FYN: variants seen among roughly 807,000 people sequenced by gnomAD.
FYN encodes FYN proto-oncogene, Src family tyrosine kinase.
In FYN, 10 loss-of-function variants were observed where a neutral mutation model predicts 70.2. That is an observed-to-expected ratio of 0.14 (90% CI 0.09 to 0.24). FYN has a LOEUF of 0.24. Among genes scored for constraint, FYN ranks in the 10% least tolerant of loss-of-function variants. The probability of loss-of-function intolerance (pLI) is 1.00; values close to 1 mark genes in which losing one functional copy is unlikely to be tolerated. For missense variants in FYN, 319 were observed against 673.1 expected, an observed-to-expected ratio of 0.47 and a Z score of 5.82; for synonymous variants, 236 against 248.6, an observed-to-expected ratio of 0.95 and a Z score of 0.48.
intron 2 of FYN, among the ~76,000 whole-genome samples, chr6:111,817,024 AC>A (rs1772509945): frequency 6.6e-6 from 1 of 152,210 alleles, no homozygotes; most frequent in Non-Finnish European, 1.5e-5. Context: ...TACATGTATA[AC>A]TGAATTTTAT....
intron 10 of FYN, among the ~76,000 whole-genome samples, 166 bp downstream of exon 10, chr6:111,696,111 G>A (rs1799562149): frequency 6.6e-6 from 1 of 152,184 alleles, no homozygotes; most frequent in Admixed American, 6.5e-5. Flanking sequence ...AGGTTAGTCT[G>A]TTTTAAAAAA....
chr6:111,666,071 G>A (rs527841308), intron 13 of FYN, among the ~76,000 whole-genome samples: 78 of 135,008 alleles, frequency 5.8e-4, no homozygotes, highest in Admixed American at 5.5e-3. Flanking sequence ...GCACAATCTC[G>A]GCTCACTGCA....
At chr6:111,863,717 T>A (rs1774027805) in intron 1 of FYN, among the ~76,000 whole-genome samples, 1 of 152,216 alleles carries the variant, frequency 6.6e-6, no homozygotes, top group Admixed American at 6.5e-5. Flanking sequence ...AGTGTTTGAC[T>A]TCATCAGATA....
chr6:111,678,106 A>ATGTGTGTGTGTGTGTG (rs201367268), intron 12 of FYN, among the ~76,000 whole-genome samples: 26 of 118,604 alleles, frequency 2.2e-4, no homozygotes, highest in African/African-American at 1.0e-3. Context: ...GAAGGCCATA[A>ATGTGTGTGTGTGTGTG]TATGTGTGTG....
intron 3 of FYN, among the ~76,000 whole-genome samples, chr6:111,752,096 C>T (rs1011375810): frequency 6.6e-6 from 1 of 152,132 alleles, no homozygotes; most frequent in Non-Finnish European, 1.5e-5. Flanking sequence ...AAGTTCAAAG[C>T]AAAACCATGG....
At chr6:111,869,108 T>C (rs994866239) in intron 1 of FYN, among the ~76,000 whole-genome samples, 8 of 152,220 alleles carry the variant, frequency 5.3e-5, no homozygotes, top group Admixed American at 4.6e-4. Context: ...CTGGTATGAA[T>C]GGAATTGCTC....
chr6:111,684,675 C>T (rs1399880539), intron 12 of FYN, among the ~76,000 whole-genome samples: 1 of 152,150 alleles, frequency 6.6e-6, no homozygotes, highest in East Asian at 1.9e-4. Context: ...TCTCCATCAC[C>T]CTCCTTGCAA....
chr6:111,871,712 C>G lies in FYN; in HGVS notation c.-123+1256G>C, dbSNP rs571993033. Reference sequence around the variant, plus strand: ...TGACCCCCACACCAATCTACTCTACCCCAGCTCTTAGTACTTGTTCCCAAA... The same window carrying G: ...TGACCCCCACACCAATCTACTCTACGCCAGCTCTTAGTACTTGTTCCCAAA... On this transcript the variant is annotated intron_variant, in intron 1 of 13. Transcript: ENST00000354650. Among the ~76,000 whole-genome samples the G allele has an allele frequency of 2.0e-5, 3 of 152,266 alleles. No individual in the cohort carries two copies. The South Asian group carries it at 6.2e-4, about 32-fold the overall frequency.
intron 4 of FYN, among the ~76,000 whole-genome samples, chr6:111,716,817 T>TC (rs1800668970): frequency 6.7e-6 from 1 of 149,766 alleles, no homozygotes; most frequent in African/African-American, 2.5e-5. Flanking sequence ...GGAGTTTCAC[T>TC]CTTGTCGCCC....
At chr6:111,853,774 A>C (rs1005848422) in intron 1 of FYN, among the ~76,000 whole-genome samples, 10 of 152,178 alleles carry the variant, frequency 6.6e-5, no homozygotes, top group African/African-American at 2.4e-4. Flanking sequence ...GTGCTTCATC[A>C]TGACAGGCTA....
chr6:111,867,719 T>C (rs954730438), intron 1 of FYN, among the ~76,000 whole-genome samples: 7 of 152,244 alleles, frequency 4.6e-5, no homozygotes, highest in Admixed American at 1.3e-4. Flanking sequence ...TTTCCTTCCA[T>C]TTAGACCCTC....
chr6:111,800,290 T>A (rs946164439), intron 2 of FYN, among the ~76,000 whole-genome samples: 1 of 152,128 alleles, frequency 6.6e-6, no homozygotes, highest in African/African-American at 2.4e-5. Flanking sequence ...TTCTTTCAAG[T>A]AATAACACGG....
intron 2 of FYN, chr6:111,820,145 T>G (rs1275054385): frequency 1.3e-5 from 2 of 152,214 alleles, no homozygotes; most frequent in Non-Finnish European, 2.9e-5. Flanking sequence ...ATGGGAACCC[T>G]TAGCAAGACA....
chr6:111,838,899 T>C (rs1276870249), intron 2 of FYN, among the ~76,000 whole-genome samples: 1 of 152,254 alleles, frequency 6.6e-6, no homozygotes, highest in East Asian at 1.9e-4. Context: ...TGGGTGGGTA[T>C]GGCTTTCAGC....
chr6:111,714,396 C>T lies in FYN; in HGVS notation c.295G>A (p.Asp99Asn). The change falls in exon 5 of 14, where the codon GAT becomes AAT. Residue 99 changes from aspartate to asparagine, a missense_variant. Asp to Asn is a conservative substitution (Grantham distance 23). Coordinates refer to ENST00000354650, the MANE Select transcript of FYN (RefSeq NM_002037.5). The part of the protein sequence containing the change: ...ALYDYEARTE[D>N]DLSFHKGEKF... ...TCTCCTTTGTGAAAACTCAGGTCAT[C>T]TTCTGTCCGTGCTTCATAGTCATAA... 1 of 1,614,156 alleles carries T rather than the reference C, an allele frequency of 6.2e-7. No individual in the cohort carries two copies. Among genetic ancestry groups the T allele is most frequent in the Non-Finnish European group, 8.5e-7 (1 of 1,180,004 alleles).
chr6:111,699,472 G>A (rs563246407), intron 9 of FYN: 17 of 1,583,300 alleles, frequency 1.1e-5, no homozygotes, highest in African/African-American at 6.8e-5. Flanking sequence ...CCTTTTAATC[G>A]GCTTTGAGAT....
In FYN at chr6:111,836,709, C is replaced by A. The variant is rs1182249828; in HGVS notation, c.-82+9880G>T. Among the ~76,000 whole-genome samples the A allele has an allele frequency of 2.0e-5, 3 of 152,178 alleles. No homozygotes were observed. The East Asian group carries it at 5.8e-4, about 29-fold the overall frequency. On this transcript the variant is annotated intron_variant, in intron 2 of 13. Coordinates refer to ENST00000354650, the MANE Select transcript of FYN (RefSeq NM_002037.5). ...CCCAGGAGGTTGAGGCTGCAGTGAA[C>A]CGTGACTGTGTCACTGCACTCCAGC...
intron 13 of FYN, among the ~76,000 whole-genome samples, chr6:111,665,205 C>T (rs932234592): frequency 2.6e-5 from 4 of 152,120 alleles, no homozygotes; most frequent in Non-Finnish European, 5.9e-5. Flanking sequence ...TGAGCATTCC[C>T]TTTGCGTGTT....
intron 3 of FYN, among the ~76,000 whole-genome samples, chr6:111,773,961 T>C (rs182321090): frequency 2.0e-5 from 3 of 152,248 alleles, no homozygotes; most frequent in Admixed American, 6.5e-5. Context: ...ACGTTTAAGA[T>C]AACAAATCAA....
Sources: allele counts gnomAD v4.1 joint callset (sites outside exome capture counted in the v4.1 genomes callset), GRCh38; gene constraint gnomAD v4.1.1; transcripts MANE v1.5; gene names NCBI Gene and HGNC (gene_info 2026-07-23, HGNC 2026-07-21).